Variants in SHTN1 observed in about 807,000 individuals in gnomAD.
SHTN1 encodes the protein shootin-1.
Under a neutral mutation model 83.1 loss-of-function variants are expected in SHTN1, and 42 were observed. The observed-to-expected ratio is 0.51, with a 90% CI of 0.39 to 0.65. SHTN1 has a LOEUF of 0.65. Ranked by LOEUF, SHTN1 falls within the 30% of genes least tolerant of loss-of-function variation. The pLI is 0.00. For missense variants in SHTN1, 622 were observed against 737.8 expected, an observed-to-expected ratio of 0.84 and a Z score of 1.82; for synonymous variants, 224 against 247.7, an observed-to-expected ratio of 0.90 and a Z score of 0.90.
chr10:116,941,266 G>C lies in SHTN1; in HGVS notation c.712-654C>G, dbSNP rs144307010. 5.2e-3 allele frequency among the ~76,000 whole-genome samples: 795 copies of C among 152,216 alleles called. 10 individuals are homozygous for C. The highest frequency in any genetic ancestry group is 0.018 in the African/African-American group (757 of 41,544). ...TCCTCTACTATTTGCTAGATCTAAT[G>C]TTTTGTTTTAAACTAATTAGTTTCT... is the stretch of plus-strand genomic sequence containing the variant. On this transcript the variant is annotated intron_variant, in intron 8 of 16. Coordinates refer to ENST00000355371, the MANE Select transcript of SHTN1 (RefSeq NM_001127211.3).
At chr10:117,046,171 C>A (rs1852659746) in intron 2 of SHTN1, among the ~76,000 whole-genome samples, 2 of 151,980 alleles carry the variant, frequency 1.3e-5, no homozygotes, top group African/African-American at 4.8e-5. Flanking sequence ...TCAGAGAACA[C>A]CAACCCAGAT....
At chr10:117,079,881 GTTGT>G (rs1182868870) in intron 1 of SHTN1, among the ~76,000 whole-genome samples, 11 of 146,866 alleles carry the variant, frequency 7.5e-5, no homozygotes, top group South Asian at 4.4e-4. Context: ...TTTTGATGGG[GTTGT>G]TTGTCTTTTT....
In SHTN1 at chr10:117,015,138, T is replaced by C. The variant is rs75659960; in HGVS notation, c.-123+33307A>G. 5.5e-3 allele frequency among the ~76,000 whole-genome samples: 832 copies of C among 152,244 alleles called. 6 individuals are homozygous for C. The highest frequency in any genetic ancestry group is 0.019 in the African/African-American group (797 of 41,540). On this transcript the variant is annotated intron_variant, in intron 2 of 17. Coordinates refer to the SHTN1 transcript ENST00000392901. ...TCAAGGAAGGCATTTGTAACAGATA[T>C]CTGTTTCATCTAAGTTAGAATTTCA...
At chr10:116,942,255 C>T (rs1255834831) in intron 8 of SHTN1, among the ~76,000 whole-genome samples, 1 of 151,320 alleles carries the variant, frequency 6.6e-6, no homozygotes, top group Non-Finnish European at 1.5e-5. Context: ...CTCTGGCACC[C>T]AGGCTGGAGT....
chr10:116,933,513 C>CTG (rs1163616123), intron 9 of SHTN1, among the ~76,000 whole-genome samples: 1 of 152,136 alleles, frequency 6.6e-6, no homozygotes, highest in African/African-American at 2.4e-5. Flanking sequence ...TTTTTTATGG[C>CTG]TGTGTAGTAT....
At chr10:117,026,423 CTT>C (rs56269054) in intron 2 of SHTN1, among the ~76,000 whole-genome samples, 129,007 of 143,566 alleles carry the variant, frequency 0.9, 59,205 homozygotes, top group Non-Finnish European at 0.99. Context: ...AGATAGACTT[CTT>C]TTTTTTTTTT....
chr10:116,901,240 T>C (rs1847722831), intron 16 of SHTN1: 13 of 985,324 alleles, frequency 1.3e-5, no homozygotes, highest in Non-Finnish European at 1.1e-5. Context: ...GATTAACTCT[T>C]TGACAATCAA....
At chr10:116,946,040 G>A (rs1230024098) in intron 7 of SHTN1, among the ~76,000 whole-genome samples, 2 of 151,906 alleles carry the variant, frequency 1.3e-5, no homozygotes, top group African/African-American at 4.8e-5. Flanking sequence ...TAGAGATATA[G>A]ACATATTTGG....
chr10:116,980,547 CAA>C (rs751077730), intron 1 of SHTN1, among the ~76,000 whole-genome samples: 1 of 110,490 alleles, frequency 9.1e-6, no homozygotes, highest in African/African-American at 3.2e-5. Flanking sequence ...ATTTATCTAC[CAA>C]AAAAAAAAAA....
At chr10:116,977,662 C>CTGTGTGTGTG (rs750351561) in intron 2 of SHTN1, among the ~76,000 whole-genome samples, 96 of 147,870 alleles carry the variant, frequency 6.5e-4, no homozygotes, top group African/African-American at 1.2e-3. Flanking sequence ...CTTTCTTACT[C>CTGTGTGTGTG]TGTGTGTGTG....
rs186412792 is a variant in SHTN1 at position 117,049,853 on chromosome 10, T to G, written c.-188-1343A>C. On this transcript the variant is annotated intron_variant, in intron 1 of 17. Coordinates refer to the SHTN1 transcript ENST00000392901. ...TACACATATCAAAATATGTGGGACA[T>G]AGCTAAAGTAGCACTGAGAGGGAAA... Among the ~76,000 whole-genome samples, 444 of 152,286 alleles carry G rather than the reference T, an allele frequency of 2.9e-3. 7 individuals carry two copies. Among genetic ancestry groups the G allele is most frequent in the Non-Finnish European group, 3.6e-3 (247 of 68,026 alleles).
chr10:117,056,067 T>C (rs754462509), intron 1 of SHTN1, among the ~76,000 whole-genome samples: 3 of 152,036 alleles, frequency 2.0e-5, no homozygotes, highest in African/African-American at 4.8e-5. Context: ...ATCAAAGAAG[T>C]TGAATTGTAA....
chr10:116,963,034 A>AGTTT (rs1850240457), intron 3 of SHTN1, among the ~76,000 whole-genome samples: 2 of 97,940 alleles, frequency 2.0e-5, no homozygotes, highest in African/African-American at 8.2e-5. Flanking sequence ...GAATAATAAA[A>AGTTT]GTTTTTTTTT....
At chr10:117,119,880 C>G (rs1252558251) in intron 1 of SHTN1, among the ~76,000 whole-genome samples, 1 of 150,864 alleles carries the variant, frequency 6.6e-6, no homozygotes, top group African/African-American at 2.4e-5. Context: ...TTTGCAACAA[C>G]ATGGATGGAA....
intron 1 of SHTN1, among the ~76,000 whole-genome samples, chr10:116,996,400 G>C: frequency 6.6e-6 from 1 of 152,140 alleles, no homozygotes; most frequent in East Asian, 1.9e-4. Flanking sequence ...CTGAAGCTAT[G>C]CAAGCTAAAG....
intron 1 of SHTN1, among the ~76,000 whole-genome samples, chr10:117,116,643 T>C (rs892648089): frequency 2.6e-5 from 4 of 152,116 alleles, no homozygotes; most frequent in South Asian, 2.1e-4. Flanking sequence ...TTGATGAACA[T>C]AGATGCAAAA....
At chr10:116,899,508 T>TGC (rs1847646475) in intron 16 of SHTN1, among the ~76,000 whole-genome samples, 2 of 65,884 alleles carry the variant, frequency 3.0e-5, no homozygotes, top group Admixed American at 2.9e-4. Flanking sequence ...CTGGGGCTGG[T>TGC]GTGTGTGTGT....
intron 11 of SHTN1, among the ~76,000 whole-genome samples, chr10:116,926,471 G>A (rs903695199): frequency 1.3e-5 from 2 of 152,114 alleles, no homozygotes; most frequent in African/African-American, 4.8e-5. Context: ...CTCTTGGATC[G>A]ATCACGTGTA....
chr10:116,972,228 G>A (rs1850642899), intron 2 of SHTN1, among the ~76,000 whole-genome samples: 2 of 152,294 alleles, frequency 1.3e-5, no homozygotes, highest in South Asian at 4.1e-4. Context: ...TTCACAAGCT[G>A]TCTCCCATCC....
Sources: gnomAD v4.1 joint callset for allele counts (sites outside exome capture counted in the v4.1 genomes callset) on GRCh38, gnomAD v4.1.1 for gene constraint, MANE v1.5 for transcripts, NCBI Gene and HGNC (gene_info 2026-07-23, HGNC 2026-07-21) for gene names.